The following LRP1B variants were observed in gnomAD, a reference collection of about 807,000 sequenced individuals.
LRP1B encodes low-density lipoprotein receptor-related protein 1B.
In LRP1B, 217 loss-of-function variants were observed where a neutral mutation model predicts 556.6. The observed-to-expected ratio is 0.39, with a 90% confidence interval of 0.35 to 0.44. The LOEUF (loss-of-function observed/expected upper bound fraction) is 0.44, where lower values mean the gene tolerates loss of function less well. LRP1B is among the 20% of genes least tolerant of loss of function. The pLI, the probability that LRP1B is intolerant of heterozygous loss-of-function variation, is 1.00. For missense variants in LRP1B, 5,053 were observed against 5,620.8 expected (o/e 0.90, Z 3.23); for synonymous variants, 2,047 against 1,865.8 (o/e 1.10, Z -2.50).
At chr2:141,011,071 CAGAGAGAGAG>C (rs143409764) in intron 14 of LRP1B, among the ~76,000 whole-genome samples, 84 of 142,814 alleles carry the variant, frequency 5.9e-4, no homozygotes, top group African/African-American at 2.0e-3. Context: ...TGTATTCTCT[CAGAGAGAGAG>C]AGAGAGAGAG....
At chr2:140,884,660 C>G (rs976443325) in intron 24 of LRP1B, among the ~76,000 whole-genome samples, 2 of 152,032 alleles carry the variant, frequency 1.3e-5, no homozygotes, top group African/African-American at 4.8e-5. Flanking sequence ...TGATGCCTAC[C>G]AATATTCTTA....
chr2:141,211,672 T>C (rs192433147), intron 6 of LRP1B, among the ~76,000 whole-genome samples: 38 of 152,166 alleles, frequency 2.5e-4, no homozygotes, highest in Non-Finnish European at 4.7e-4. Context: ...TATGGCTATG[T>C]ACGGATCATA....
At chr2:142,109,888 C>T (rs1223283861) in intron 1 of LRP1B, among the ~76,000 whole-genome samples, 3 of 152,132 alleles carry the variant, frequency 2.0e-5, no homozygotes, top group South Asian at 2.1e-4. Context: ...GCATTCCTCA[C>T]AGGCCCCTTA....
intron 47 of LRP1B, among the ~76,000 whole-genome samples, chr2:140,532,236 T>A (rs1392970429): frequency 6.6e-6 from 1 of 152,154 alleles, no homozygotes; most frequent in Non-Finnish European, 1.5e-5. Flanking sequence ...TCATTCCTTT[T>A]TGAAATGTAA....
At chr2:141,474,050 TTCC>T (rs1682605492) in intron 3 of LRP1B, among the ~76,000 whole-genome samples, 1 of 69,178 alleles carries the variant, frequency 1.4e-5, no homozygotes, top group Non-Finnish European at 3.8e-5. Context: ...CTTCCTTTCC[TTCC>T]TTCCTCCCTC....
intron 1 of LRP1B, among the ~76,000 whole-genome samples, chr2:141,867,060 A>G (rs4662467): frequency 0.33 from 50,747 of 151,856 alleles, 8,983 homozygotes; most frequent in Middle Eastern, 0.46. Context: ...TATACTAGTT[A>G]TAGAGAAAAA....
At chr2:141,270,581 A>C (rs1263125949) in intron 3 of LRP1B, among the ~76,000 whole-genome samples, 1 of 152,096 alleles carries the variant, frequency 6.6e-6, no homozygotes, top group Admixed American at 6.6e-5. Context: ...TAGCATTTGC[A>C]TAAAGTGGGA....
chr2:140,927,507 GAATT>G (rs1694921243), intron 20 of LRP1B, among the ~76,000 whole-genome samples: 2 of 152,024 alleles, frequency 1.3e-5, no homozygotes, highest in South Asian at 2.1e-4. Flanking sequence ...AAGAAAAATA[GAATT>G]CATTCATATA....
At chr2:141,810,094 A>T (rs1696289695) in intron 2 of LRP1B, among the ~76,000 whole-genome samples, 185 bp downstream of exon 2, 1 of 143,608 alleles carries the variant, frequency 7.0e-6, no homozygotes, top group Non-Finnish European at 1.5e-5. Context: ...GCTATTTGGA[A>T]AAAAGAAAGA....
intron 31 of LRP1B, among the ~76,000 whole-genome samples, chr2:140,817,350 GA>G (rs1302265135): frequency 3.3e-5 from 5 of 151,576 alleles, no homozygotes; most frequent in Admixed American, 2.6e-4. Context: ...TTTAAATTAA[GA>G]AAAAAATATA....
intron 6 of LRP1B, among the ~76,000 whole-genome samples, chr2:141,224,649 CAG>C (rs1366870795): frequency 1.3e-5 from 2 of 152,024 alleles, no homozygotes; most frequent in Non-Finnish European, 2.9e-5. Context: ...ATAAAAAAGA[CAG>C]ATTATTTTCT....
intron 1 of LRP1B, among the ~76,000 whole-genome samples, chr2:142,034,632 G>T (rs1399887829): frequency 6.6e-6 from 1 of 151,646 alleles, no homozygotes; most frequent in African/African-American, 2.4e-5. Context: ...ATTGCTTTTT[G>T]AATTGTCTTG....
At chr2:141,246,790 C>A (rs1191035652) in intron 5 of LRP1B, among the ~76,000 whole-genome samples, 1 of 152,074 alleles carries the variant, frequency 6.6e-6, no homozygotes, top group African/African-American at 2.4e-5. Context: ...CATGGTGAGA[C>A]CCTGTCTCTA....
chr2:141,519,388 TATATATATATATATGAA>T (rs1295161712), intron 2 of LRP1B, among the ~76,000 whole-genome samples: 2,204 of 29,702 alleles, frequency 0.074, 71 homozygotes, highest in South Asian at 0.12. Context: ...TATATATATA[TATATATATATATATGAA>T]ATGCAATATT....
At chr2:141,198,341 C>T (rs970629114) in intron 6 of LRP1B, among the ~76,000 whole-genome samples, 3 of 152,116 alleles carry the variant, frequency 2.0e-5, no homozygotes, top group African/African-American at 7.2e-5. Flanking sequence ...TCAGAGAAGG[C>T]TCTGTGCCAC....
At chr2:140,341,591 CAG>C (rs753114095) in intron 77 of LRP1B, among the ~76,000 whole-genome samples, 1 of 151,118 alleles carries the variant, frequency 6.6e-6, no homozygotes, top group South Asian at 2.1e-4. Flanking sequence ...TTAAGGAAGA[CAG>C]AAAAAAATAG....
intron 60 of LRP1B, among the ~76,000 whole-genome samples, chr2:140,463,444 T>A (rs921336596): frequency 6.6e-6 from 1 of 152,200 alleles, no homozygotes; most frequent in African/African-American, 2.4e-5. Context: ...CGAGCAGCTC[T>A]GAAGTGTTTT....
intron 7 of LRP1B, among the ~76,000 whole-genome samples, chr2:141,099,478 A>G (rs887192035): frequency 6.6e-6 from 1 of 152,240 alleles, no homozygotes; most frequent in African/African-American, 2.4e-5. Flanking sequence ...TTCAGTTCTC[A>G]TAGGGCAATG....
intron 1 of LRP1B, among the ~76,000 whole-genome samples, chr2:141,942,247 G>T (rs1487354981): frequency 6.6e-6 from 1 of 152,132 alleles, no homozygotes; most frequent in East Asian, 1.9e-4. Flanking sequence ...TCTTTTTAAA[G>T]AAGATTGACA....
Sources: allele counts gnomAD v4.1 joint callset (sites outside exome capture counted in the v4.1 genomes callset), GRCh38; gene constraint gnomAD v4.1.1; transcripts MANE v1.5; gene names NCBI Gene and HGNC (gene_info 2026-07-23, HGNC 2026-07-21).